Variants in ME2 observed in about 807,000 individuals in gnomAD.
The protein encoded by ME2 is malic enzyme 2.
A neutral mutation model predicts 73.7 loss-of-function variants in ME2; 60 were observed. The ratio of observed to expected loss-of-function variants is 0.81; its 90% confidence interval spans 0.66 to 1.01. ME2 has a LOEUF of 1.01. ME2 is among the 50% of genes least tolerant of loss of function. The probability of loss-of-function intolerance (pLI) is 0.00; values close to 1 mark genes in which losing one functional copy is unlikely to be tolerated. For missense variants in ME2, 594 were observed against 705.5 expected (o/e 0.84, Z 1.79); for synonymous variants, 199 against 236.9 (o/e 0.84, Z 1.47).
intron 2 of ME2, among the ~76,000 whole-genome samples, chr18:50,896,636 T>C (rs1275492530): frequency 1.3e-5 from 2 of 152,134 alleles, no homozygotes; most frequent in East Asian, 3.8e-4. Context: ...ATACATTGAG[T>C]TTATTGCAAT....
rs1917397899 is a variant in ME2 at position 50,920,481 on chromosome 18, T to A, written c.760T>A (p.Phe254Ile). Residue 254 changes from phenylalanine (F) to isoleucine (I), a missense_variant, in exon 8 of 16, where the codon TTC (phenylalanine) becomes ATC (isoleucine). Phe to Ile is a conservative substitution (Grantham distance 21). Transcript: ENST00000321341. ...DRYGRNTLIQFEDFGNHNAFR... is the reference protein window; with the variant it reads ...DRYGRNTLIQIEDFGNHNAFR... The stretch of plus-strand genomic sequence containing the variant: ...ATATGGCCGGAACACACTCATTCAG[T>A]TCGAAGACTTTGGAAATCATAATGC... 6.3e-7 allele frequency: 1 copy of A among 1,599,630 alleles called. No individual in the cohort carries two copies. Among genetic ancestry groups the A allele is most frequent in the African/African-American group, 1.4e-5 (1 of 73,830 alleles).
chr18:50,911,399 G>T (rs1917152295), intron 3 of ME2, among the ~76,000 whole-genome samples: 1 of 152,146 alleles, frequency 6.6e-6, no homozygotes, highest in Admixed American at 6.6e-5. Context: ...GCCACATATT[G>T]CTATTAATAG....
At position 50,886,905 on chromosome 18, in the gene ME2, G is replaced by A. The variant is rs552983455; in HGVS notation, c.-13+7597G>A. Among the ~76,000 whole-genome samples, 59 of 152,184 alleles carry A rather than the reference G, an allele frequency of 3.9e-4. 1 individual carries two copies. Among genetic ancestry groups the A allele is most frequent in the Admixed American group, 2.0e-3 (30 of 15,280 alleles). On this transcript the variant is annotated intron_variant, in intron 1 of 15. Transcript: ENST00000321341. ...TAGTCCCAGCTACTCAGGAGGCTGA[G>A]GCAGGAGAATCACTGAATCCAGGAG...
intron 12 of ME2, among the ~76,000 whole-genome samples, chr18:50,929,452 C>T (rs1458067112): frequency 1.4e-5 from 2 of 147,196 alleles, no homozygotes; most frequent in African/African-American, 5.0e-5. Context: ...CGTGCCACTG[C>T]ACTCCAGCCT....
At position 50,897,256 on chromosome 18, in the gene ME2, A is replaced by G. The variant is rs996074715; in HGVS notation, c.108+1328A>G. 2.6e-5 allele frequency among the ~76,000 whole-genome samples: 4 copies of G among 152,192 alleles called. No homozygotes were observed. The South Asian group carries it at 8.3e-4, about 31-fold the overall frequency. On this transcript the variant is annotated intron_variant, in intron 2 of 15. Coordinates refer to ENST00000321341, the MANE Select transcript of ME2 (RefSeq NM_002396.5). ...TCAAATACTTCTGTGTATCTTTTAC[A>G]GTGCTATGGGCGCATTTGATAAATA...
intron 1 of ME2, among the ~76,000 whole-genome samples, chr18:50,892,850 G>A (rs1218958940): frequency 2.6e-5 from 4 of 152,090 alleles, no homozygotes; most frequent in Non-Finnish European, 5.9e-5. Context: ...TTAAGGGCAG[G>A]TGCAGTGGCT....
At position 50,916,211 on chromosome 18, in the gene ME2, A is replaced by G. The variant is rs1264970506; in HGVS notation, c.436A>G (p.Ile146Val). 10 of 1,612,786 alleles carry G rather than the reference A, an allele frequency of 6.2e-6. No homozygotes were observed. The highest frequency in any genetic ancestry group is 4.0e-5 in the African/African-American group (3 of 74,872). The change falls in exon 5 of 16, where the codon ATT becomes GTT. Residue 146 changes from isoleucine to valine, a missense_variant. Physicochemically the swap from Ile to Val is conservative, Grantham distance 29 (BLOSUM62 3). Transcript: ENST00000321341. ...SISDRGHVRS[I>V]VDNWPENHVK... ...CTCAGACAGAGGTCATGTTAGATCA[A>G]TTGTGGATAACTGGCCAGAAAATCA...
chr18:50,894,049 C>G (rs543255363), intron 1 of ME2, among the ~76,000 whole-genome samples: 1 of 152,260 alleles, frequency 6.6e-6, no homozygotes, highest in South Asian at 2.1e-4. Context: ...GTCTTCTAAC[C>G]CTGACTGCGT....
chr18:50,912,382 G>C (rs1917177574), intron 3 of ME2, among the ~76,000 whole-genome samples: 1 of 152,150 alleles, frequency 6.6e-6, no homozygotes, highest in Non-Finnish European at 1.5e-5. Flanking sequence ...TATCCCTGGA[G>C]AATAGTGCCA....
rs1229370143 is a variant in ME2, at chr18:50,890,950, C to A, written c.-12-4859C>A. Among the ~76,000 whole-genome samples the A allele has an allele frequency of 2.6e-5, 4 of 152,168 alleles. No homozygotes were observed. In the East Asian group the frequency reaches 7.7e-4, roughly 29 times the overall value. On this transcript the variant is annotated intron_variant, in intron 1 of 15. Coordinates refer to ENST00000321341, the MANE Select transcript of ME2 (RefSeq NM_002396.5). ...CCATATTGAGCCTGGCTCTGCCCTG[C>A]AGCTGGTGGCCCAGGTACTGAAGAT...
In ME2 at chr18:50,949,668, T is replaced by G. The variant is rs997756595; in HGVS notation, c.*2484T>G. On this transcript the variant is annotated 3_prime_UTR_variant, in exon 16 of 16. Coordinates refer to ENST00000321341, the MANE Select transcript of ME2 (RefSeq NM_002396.5). ...AACGTATGCTGAATTAAAGTAATTTTACTACGAAGTTTGCTTATTAAGTAT... is the reference window on the plus strand; with the variant it reads ...AACGTATGCTGAATTAAAGTAATTTGACTACGAAGTTTGCTTATTAAGTAT... The G allele has an allele frequency of 1.3e-4, 20 of 152,370 alleles. No individual in the cohort carries two copies. The highest frequency in any genetic ancestry group is 4.8e-4 in the African/African-American group (20 of 41,592). 9.4% of individuals were successfully genotyped at this position (152,370 alleles called of 1,614,324 possible). A position where few individuals can be genotyped will look rare whatever the true frequency, so the allele number is the denominator to read the frequency against.
intron 3 of ME2, among the ~76,000 whole-genome samples, chr18:50,911,475 A>G (rs1917154412): frequency 6.6e-6 from 1 of 152,196 alleles, no homozygotes; most frequent in Admixed American, 6.5e-5. Context: ...AGACTGGAGG[A>G]AGCCAGAAAG....
At position 50,925,904 on chromosome 18, in the gene ME2, A is replaced by G. The variant is rs1917540661; in HGVS notation, c.1314+6A>G. ...AAGCATATACACTTACAGAGGTATT[A>G]ATAATCACATGAATTGATATGTATA... On this transcript the variant is annotated splice_donor_region_variant and intron_variant, in intron 12 of 15. Coordinates refer to ENST00000321341, the MANE Select transcript of ME2 (RefSeq NM_002396.5). 1 of 1,587,724 alleles carries G rather than the reference A, an allele frequency of 6.3e-7. No individual in the cohort carries two copies. The highest frequency in any genetic ancestry group is 2.2e-5 in the East Asian group (1 of 44,712).
At chr18:50,925,349 C>T (rs1917526340) in intron 11 of ME2, among the ~76,000 whole-genome samples, 1 of 152,072 alleles carries the variant, frequency 6.6e-6, no homozygotes, top group South Asian at 2.1e-4. Context: ...CGTGGTGGCA[C>T]ACACCTTTAA....
At chr18:50,908,832 A>G (rs948029783) in intron 3 of ME2, among the ~76,000 whole-genome samples, 3 of 151,788 alleles carry the variant, frequency 2.0e-5, no homozygotes, top group African/African-American at 7.3e-5. Flanking sequence ...GTAGAGATGG[A>G]GTTTCACCAT....
intron 1 of ME2, among the ~76,000 whole-genome samples, chr18:50,892,667 A>G (rs1042449781): frequency 6.6e-6 from 1 of 152,058 alleles, no homozygotes; most frequent in African/African-American, 2.4e-5. Context: ...AAGTCTTCTT[A>G]TTAGTTCTAG....
At chr18:50,926,053 A>G (rs1320424385) in intron 12 of ME2, among the ~76,000 whole-genome samples, 155 bp downstream of exon 12, 2 of 152,198 alleles carry the variant, frequency 1.3e-5, no homozygotes, top group African/African-American at 4.8e-5. Flanking sequence ...GCTTATACCA[A>G]TTATGGGAAA....
chr18:50,892,864 G>A (rs930698308), intron 1 of ME2, among the ~76,000 whole-genome samples: 4 of 151,966 alleles, frequency 2.6e-5, no homozygotes, highest in Admixed American at 1.3e-4. Context: ...AGTGGCTCAC[G>A]CCTGTAATCC....
At chr18:50,880,417 G>A (rs75632236) in intron 1 of ME2, among the ~76,000 whole-genome samples, 4 of 152,258 alleles carry the variant, frequency 2.6e-5, no homozygotes, top group Non-Finnish European at 4.4e-5. Context: ...AGCTAATTGC[G>A]ATGTTGTACC....
Sources: gnomAD v4.1 joint callset for allele counts (sites outside exome capture counted in the v4.1 genomes callset) on GRCh38, gnomAD v4.1.1 for gene constraint, MANE v1.5 for transcripts, NCBI Gene and HGNC (gene_info 2026-07-23, HGNC 2026-07-21) for gene names.